The following ENTHD1 variants were observed in gnomAD, a reference collection of about 807,000 sequenced individuals.
ENTHD1 encodes ENTH domain-containing protein 1.
In ENTHD1, 23 loss-of-function variants were observed where a neutral mutation model predicts 39.1. That is an observed-to-expected ratio of 0.59 (90% confidence interval 0.42 to 0.83). ENTHD1 has a LOEUF of 0.83. Among genes scored for constraint, ENTHD1 ranks in the 40% least tolerant of loss-of-function variants. The probability of loss-of-function intolerance (pLI) is 0.00; values close to 1 mark genes in which losing one functional copy is unlikely to be tolerated. For synonymous variants in ENTHD1, 230 were observed against 258.2 expected, an observed-to-expected ratio of 0.89 and a Z score of 1.05; for missense variants, 624 against 705.4, an observed-to-expected ratio of 0.88 and a Z score of 1.31.
At chr22:39,769,024 T>A (rs1352438254) in intron 5 of ENTHD1, among the ~76,000 whole-genome samples, 2 of 151,794 alleles carry the variant, frequency 1.3e-5, no homozygotes, top group Non-Finnish European at 2.9e-5. Flanking sequence ...ATATACACAC[T>A]AACTTGTGTA....
intron 2 of ENTHD1, among the ~76,000 whole-genome samples, chr22:39,877,299 A>G (rs193201577): frequency 2.0e-5 from 3 of 152,352 alleles, no homozygotes; most frequent in Admixed American, 2.0e-4. Flanking sequence ...CTTGACCTAA[A>G]CAACTTAGAA....
intron 5 of ENTHD1, among the ~76,000 whole-genome samples, chr22:39,789,403 G>A (rs1023728379): frequency 4.0e-5 from 6 of 151,216 alleles, no homozygotes; most frequent in African/African-American, 7.3e-5. Context: ...GCTTCCATTC[G>A]TACCTTTCAA....
chr22:39,834,383 G>A (rs1569160140), intron 4 of ENTHD1, among the ~76,000 whole-genome samples: 1 of 152,130 alleles, frequency 6.6e-6, no homozygotes, highest in Non-Finnish European at 1.5e-5. Flanking sequence ...CACATGAAAA[G>A]ATATTCAACA....
chr22:39,752,065 C>T (rs1378232682), intron 6 of ENTHD1, among the ~76,000 whole-genome samples: 1 of 152,096 alleles, frequency 6.6e-6, no homozygotes, highest in African/African-American at 2.4e-5. Context: ...CTCTCTCTCT[C>T]TCTCTCTATA....
intron 5 of ENTHD1, among the ~76,000 whole-genome samples, chr22:39,809,413 G>A (rs943701594): frequency 6.6e-6 from 1 of 152,170 alleles, no homozygotes; most frequent in Non-Finnish European, 1.5e-5. Context: ...GCAGTGGGAA[G>A]GTGTTGATTT....
At chr22:39,853,965 C>T (rs2066064617) in intron 3 of ENTHD1, among the ~76,000 whole-genome samples, 2 of 152,160 alleles carry the variant, frequency 1.3e-5, no homozygotes, top group Non-Finnish European at 2.9e-5. Flanking sequence ...CATGTGCTCC[C>T]TTCAGGGTCA....
chr22:39,777,394 G>A (rs1442152223), intron 5 of ENTHD1, among the ~76,000 whole-genome samples: 1 of 152,132 alleles, frequency 6.6e-6, no homozygotes, highest in Non-Finnish European at 1.5e-5. Context: ...CCCTATGATT[G>A]TGTGCGTGTG....
intron 4 of ENTHD1, among the ~76,000 whole-genome samples, chr22:39,829,345 A>G (rs555314698): frequency 6.6e-6 from 1 of 152,168 alleles, no homozygotes; most frequent in South Asian, 2.1e-4. Flanking sequence ...GAAGTAAGAA[A>G]AAAACAATAG....
chr22:39,782,428 C>A (rs1003797792), intron 5 of ENTHD1, among the ~76,000 whole-genome samples: 1 of 151,468 alleles, frequency 6.6e-6, no homozygotes, highest in Non-Finnish European at 1.5e-5. Context: ...AAAAAAAAAA[C>A]TGAAGAGGAG....
chr22:39,879,337 C>T (rs1234080581), intron 2 of ENTHD1, among the ~76,000 whole-genome samples: 1 of 151,368 alleles, frequency 6.6e-6, no homozygotes, highest in East Asian at 1.9e-4. Flanking sequence ...GTGGTGGGTA[C>T]CTGTAGTCCC....
Position 39,744,175 on chromosome 22 carries a change from C to T in ENTHD1, c.1328G>A (p.Gly443Glu). 6.2e-7 allele frequency: 1 copy of T among 1,613,990 alleles called. No homozygotes were observed. The highest frequency in any genetic ancestry group is 8.5e-7 in the Non-Finnish European group (1 of 1,179,984). ...SAHLLSPILA[G>E]PSFWTLSHQQ... Reference sequence around the variant, plus strand: ...ATGGGACAGAGTCCAGAAGGAAGGTCCGGCCAGAATTGGTGATAAGAGATG... The same window carrying T: ...ATGGGACAGAGTCCAGAAGGAAGGTTCGGCCAGAATTGGTGATAAGAGATG... Residue 443 changes from glycine to glutamate, a missense_variant, in exon 7 of 7, where the codon GGA (glycine) becomes GAA (glutamate). Gly to Glu is a moderately conservative substitution (Grantham distance 98). Coordinates refer to ENST00000325157, the MANE Select transcript of ENTHD1 (RefSeq NM_152512.4).
intron 5 of ENTHD1, among the ~76,000 whole-genome samples, chr22:39,818,253 G>C (rs992570357): frequency 6.6e-6 from 1 of 152,228 alleles, no homozygotes; most frequent in African/African-American, 2.4e-5. Context: ...AGCATCAACT[G>C]CTAGACACGT....
At chr22:39,891,620 AT>A (rs980676562) in intron 1 of ENTHD1, among the ~76,000 whole-genome samples, 9 of 150,000 alleles carry the variant, frequency 6.0e-5, no homozygotes, top group South Asian at 2.1e-4. Flanking sequence ...TAAAAAAAAA[AT>A]TTTATTTTTT....
chr22:39,754,500 C>A (rs2065170101), intron 6 of ENTHD1, among the ~76,000 whole-genome samples: 1 of 152,220 alleles, frequency 6.6e-6, no homozygotes, highest in African/African-American at 2.4e-5. Context: ...CAGGTGACCT[C>A]TGATGAGAAG....
intron 2 of ENTHD1, among the ~76,000 whole-genome samples, chr22:39,883,629 A>G (rs997647280): frequency 6.6e-6 from 1 of 152,080 alleles, no homozygotes; most frequent in Non-Finnish European, 1.5e-5. Context: ...ATATGACAGG[A>G]TCTAGTATAT....
At chr22:39,866,359 A>G (rs1368154224) in intron 2 of ENTHD1, among the ~76,000 whole-genome samples, 2 of 152,232 alleles carry the variant, frequency 1.3e-5, no homozygotes, top group Non-Finnish European at 2.9e-5. Flanking sequence ...CAAGTCAGAA[A>G]AAGACAAGGT....
intron 5 of ENTHD1, among the ~76,000 whole-genome samples, chr22:39,808,896 G>C (rs1192034468): frequency 1.3e-5 from 2 of 152,052 alleles, no homozygotes; most frequent in African/African-American, 4.8e-5. Flanking sequence ...TTTCATGCAT[G>C]AATCATGCTT....
intron 2 of ENTHD1, chr22:39,875,458 C>T (rs994859097): frequency 1.3e-6 from 2 of 1,530,988 alleles, no homozygotes; most frequent in Non-Finnish European, 1.7e-6. Context: ...AGTCGCTGAG[C>T]GGCCAGGCCG....
rs947564986 is a variant in ENTHD1 at position 39,887,902 on chromosome 22, T to G, written c.-154A>C. The G allele has an allele frequency of 5.3e-6, 3 of 563,388 alleles. No individual in the cohort carries two copies. The highest frequency in any genetic ancestry group is 7.4e-5 in the Admixed American group (2 of 27,182). 34.9% of individuals were successfully genotyped at this position (563,388 alleles called of 1,614,324 possible). On this transcript the variant is annotated splice_region_variant and 5_prime_UTR_variant, in exon 2 of 7. Coordinates refer to ENST00000325157, the MANE Select transcript of ENTHD1 (RefSeq NM_152512.4). The stretch of plus-strand genomic sequence containing the variant: ...TCTCTATGTTGATAAAGTATCAATT[T>G]CCTGCAAGGAAAGCACAAAAAAATT...
Sources: allele counts gnomAD v4.1 joint callset (sites outside exome capture counted in the v4.1 genomes callset), GRCh38; gene constraint gnomAD v4.1.1; transcripts MANE v1.5; gene names NCBI Gene and HGNC (gene_info 2026-07-23, HGNC 2026-07-21).